Variants in NFIC observed in about 807,000 individuals in gnomAD.
The protein encoded by NFIC is nuclear factor 1 C-type.
Under a neutral mutation model 54.4 loss-of-function variants are expected in NFIC, and 12 were observed. The ratio of observed to expected loss-of-function variants is 0.22; its 90% confidence interval spans 0.14 to 0.36. The LOEUF is 0.36. NFIC is among the 10% of genes least tolerant of loss of function. The pLI is 1.00. For synonymous variants in NFIC, 322 were observed against 319.2 expected, an observed-to-expected ratio of 1.01 and a Z score of -0.09; for missense variants, 575 against 718.2, an observed-to-expected ratio of 0.80 and a Z score of 2.28.
chr19:3,359,977 C>T (rs1243269212), intron 1 of NFIC, among the ~76,000 whole-genome samples: 3 of 150,278 alleles, frequency 2.0e-5, no homozygotes, highest in Non-Finnish European at 4.5e-5. Context: ...CGGAGAAGGC[C>T]CCCGCAACCC....
chr19:3,380,224 T>A (rs554050802), intron 1 of NFIC, among the ~76,000 whole-genome samples: 60 of 147,550 alleles, frequency 4.1e-4, no homozygotes, highest in Non-Finnish European at 8.2e-4. Flanking sequence ...CAGGATGGTC[T>A]CAATCTCCTG....
chr19:3,394,758 C>T (rs905188029), intron 2 of NFIC, among the ~76,000 whole-genome samples: 5 of 151,896 alleles, frequency 3.3e-5, no homozygotes, highest in African/African-American at 1.2e-4. Context: ...CTCCACCTCC[C>T]GTCAGATCAG....
rs766517659 is a variant in NFIC, at chr19:3,453,731, C to T, written c.1270-32C>T. 2 of 1,584,706 alleles carry T rather than the reference C, an allele frequency of 1.3e-6. No individual in the cohort carries two copies. Among genetic ancestry groups the T allele is most frequent in the Admixed American group, 3.7e-5 (2 of 54,790 alleles). ...CAGCCCGAGGTAGAGGGGGAGCCCA[C>T]CCCTTAACCACGTGTCTCTCTGTTC... On this transcript the variant is annotated intron_variant, in intron 8 of 10. Coordinates refer to ENST00000443272, the MANE Select transcript of NFIC (RefSeq NM_001245002.2). The surrounding 1 kb of genome is among the most constrained non-coding windows in gnomAD (Gnocchi z 6.7).
intron 6 of NFIC, among the ~76,000 whole-genome samples, chr19:3,442,380 C>T (rs890045648): frequency 7.5e-6 from 1 of 132,648 alleles, no homozygotes; most frequent in Non-Finnish European, 1.6e-5. Flanking sequence ...CTTCCCATCC[C>T]TTTTTTTTTT....
chr19:3,366,045 C>G (rs563301394), upstream of NFIC, among the ~76,000 whole-genome samples: 144 of 148,750 alleles, frequency 9.7e-4, no homozygotes, highest in African/African-American at 2.6e-3. Context: ...TTCCCTCCCC[C>G]CTGGCTCTTT....
At chr19:3,392,835 TG>T (rs2081396552) in intron 2 of NFIC, among the ~76,000 whole-genome samples, 1 of 152,210 alleles carries the variant, frequency 6.6e-6, no homozygotes, top group Non-Finnish European at 1.5e-5. Context: ...GGACACCGGA[TG>T]TCTCGTCCAG....
chr19:3,463,735 G>A lies in NFIC; in HGVS notation c.*966G>A. 4.1e-6 allele frequency: 4 copies of A among 985,222 alleles called. No homozygotes were observed. The highest frequency in any genetic ancestry group is 9.4e-5 in the South Asian group (2 of 21,278). 61.0% of individuals were successfully genotyped at this position (985,222 alleles called of 1,614,324 possible). A position where few individuals can be genotyped will look rare whatever the true frequency, so the allele number is the denominator to read the frequency against. On this transcript the variant is annotated 3_prime_UTR_variant, in exon 11 of 11. Coordinates refer to ENST00000443272, the MANE Select transcript of NFIC (RefSeq NM_001245002.2). ...TAAGAAATGCACTTTCCGAGGAAGG[G>A]GATGGGGGAGCCCGGACACCCAGAG...
chr19:3,456,478 C>T, intron 9 of NFIC, 72 bp from the exon 10 acceptor site: 1 of 1,468,518 alleles, frequency 6.8e-7, no homozygotes, highest in Admixed American at 2.0e-5. Context: ...TGGCCACCCT[C>T]TCTGGGGCCA....
intron 4 of NFIC, 32 bp downstream of exon 4, chr19:3,433,624 T>C: frequency 1.2e-6 from 2 of 1,609,586 alleles, no homozygotes; most frequent in East Asian, 4.5e-5. Flanking sequence ...GAGCTGGGTC[T>C]TGGAGAGGGG....
Position 3,435,201 on chromosome 19 carries a change from GA to G in NFIC, c.954del (p.Gly319GlufsTer7). ...CAGCCGCAACTGGACGGAGGACATG[GA>G]AGGAGGTAGGGCTGGTGGCGGGGGC... ...SSSRNWTEDM[E>X]GGISSPVKKT... On this transcript the variant is annotated frameshift_variant, in exon 6 of 11. Transcript: ENST00000443272. LOFTEE classifies it high-confidence loss of function. 6.2e-7 allele frequency: 1 copy of G among 1,600,486 alleles called. No individual in the cohort carries two copies. Among genetic ancestry groups the G allele is most frequent in the Non-Finnish European group, 8.5e-7 (1 of 1,172,606 alleles).
chr19:3,431,324 C>G (rs975378218), intron 3 of NFIC, among the ~76,000 whole-genome samples: 6 of 149,978 alleles, frequency 4.0e-5, no homozygotes, highest in Admixed American at 1.3e-4. Context: ...ACTACTGCGC[C>G]CAGCCCAAGG....
chr19:3,432,289 G>A (rs572643307), intron 3 of NFIC, among the ~76,000 whole-genome samples: 352 of 152,262 alleles, frequency 2.3e-3, no homozygotes, highest in African/African-American at 8.2e-3. Flanking sequence ...GACACTGAGG[G>A]TTTTAACTGC....
intron 1 of NFIC, among the ~76,000 whole-genome samples, chr19:3,372,735 G>T (rs2081044049): frequency 6.7e-6 from 1 of 149,392 alleles, no homozygotes; most frequent in African/African-American, 2.5e-5. Context: ...GGAGGCCCAG[G>T]GACCAGTCCC....
chr19:3,434,409 C>T lies in NFIC; in HGVS notation c.833+9C>T, dbSNP rs765007631. The T allele has an allele frequency of 1.3e-6, 2 of 1,596,360 alleles. No homozygotes were observed. Among genetic ancestry groups the T allele is most frequent in the Non-Finnish European group, 1.7e-6 (2 of 1,170,914 alleles). Reference sequence around the variant, plus strand: ...AGCACCTCCTCCAGTGGGTAAGTACCCAGGTCCCCACCTCTGGGCATTTCA... The same window carrying T: ...AGCACCTCCTCCAGTGGGTAAGTACTCAGGTCCCCACCTCTGGGCATTTCA... On this transcript the variant is annotated intron_variant, in intron 5 of 10. Transcript: ENST00000443272.
intron 6 of NFIC, among the ~76,000 whole-genome samples, chr19:3,440,894 C>T (rs2082284208): frequency 1.3e-5 from 2 of 152,144 alleles, no homozygotes; most frequent in African/African-American, 2.4e-5. Context: ...TGCAGTGGTG[C>T]GATCAGCGCC....
At position 3,405,895 on chromosome 19, in the gene NFIC, G is replaced by A. The variant is rs895443987; in HGVS notation, c.563-19211G>A. Among the ~76,000 whole-genome samples, 4 of 149,524 alleles carry A rather than the reference G, an allele frequency of 2.7e-5. No homozygotes were observed. The East Asian group carries it at 5.8e-4, about 22-fold the overall frequency. Reference sequence around the variant, plus strand: ...TGGGATTATACGTGTGAGCCACCGCGCCCGGCCCCTTTTTCTTTTTCTTTC... The same window carrying A: ...TGGGATTATACGTGTGAGCCACCGCACCCGGCCCCTTTTTCTTTTTCTTTC... On this transcript the variant is annotated intron_variant, in intron 2 of 10. Transcript: ENST00000443272.
intron 2 of NFIC, among the ~76,000 whole-genome samples, chr19:3,420,556 AAAATAAATAAAT>A (rs374927099): frequency 1.4e-5 from 2 of 142,680 alleles, no homozygotes; most frequent in East Asian, 2.1e-4. Context: ...CCATCTCAAA[AAAATAAATAAAT>A]AAATAAATAA....
intron 2 of NFIC, among the ~76,000 whole-genome samples, chr19:3,397,967 ATC>A (rs997129259): frequency 7.2e-5 from 11 of 151,952 alleles, no homozygotes; most frequent in Non-Finnish European, 1.0e-4. Flanking sequence ...AAATCCCTTC[ATC>A]TCTCTGTGCC....
At chr19:3,377,726 C>T (rs1377396762) in intron 1 of NFIC, among the ~76,000 whole-genome samples, 2 of 152,220 alleles carry the variant, frequency 1.3e-5, no homozygotes, top group East Asian at 3.9e-4. Flanking sequence ...ATCCTCCCAC[C>T]TCAGCCTCCT....
Sources: allele counts gnomAD v4.1 joint callset (sites outside exome capture counted in the v4.1 genomes callset), GRCh38; gene constraint gnomAD v4.1.1; non-coding constraint Gnocchi (gnomAD v3.1); transcripts MANE v1.5; gene names NCBI Gene and HGNC (gene_info 2026-07-23, HGNC 2026-07-21).